Variants in ALG12 observed in about 807,000 individuals in gnomAD.
ALG12 encodes the protein ALG12 alpha-1,6-mannosyltransferase.
Under a neutral mutation model 46.0 loss-of-function variants are expected in ALG12, and 36 were observed. The ratio of observed to expected loss-of-function variants is 0.78; its 90% CI spans 0.60 to 1.03. The LOEUF (loss-of-function observed/expected upper bound fraction) is 1.03. ALG12 is among the 50% of genes least tolerant of loss of function. The pLI, the probability that ALG12 is intolerant of heterozygous loss-of-function variation, is 0.00. For missense variants in ALG12, 599 were observed against 633.5 expected (o/e 0.95, Z 0.58); for synonymous variants, 326 against 291.6 (o/e 1.12, Z -1.20).
the ALG12 span, chr22:49,887,353 C>T: frequency 8.8e-6 from 5 of 567,814 alleles, no homozygotes; most frequent in Non-Finnish European, 1.5e-5. Flanking sequence ...TCCTTCAGGC[C>T]AAGTTTCGCG....
chr22:49,885,545 G>C, the ALG12 span: 1 of 1,605,562 alleles, frequency 6.2e-7, no homozygotes, highest in African/African-American at 1.3e-5. Flanking sequence ...CCGGACACCC[G>C]GGTGCCGCGG....
Position 49,913,852 on chromosome 22 carries a change from G to C in ALG12, c.-78-9C>G, listed in dbSNP as rs1244983190. 1.9e-6 allele frequency: 3 copies of C among 1,570,058 alleles called. No individual in the cohort carries two copies. The highest frequency in any genetic ancestry group is 2.6e-6 in the Non-Finnish European group (3 of 1,149,782). On this transcript the variant is annotated splice_polypyrimidine_tract_variant and intron_variant, in intron 1 of 9. Transcript: ENST00000330817. ...CTGCCACTCCACGCATGCTGGAAAA[G>C]TGGAAACAGATTCCTGAGGTTCGAA...
chr22:49,874,668 C>T, the ALG12 span, among the ~76,000 whole-genome samples: 1 of 44,814 alleles, frequency 2.2e-5, no homozygotes, highest in Non-Finnish European at 7.3e-5. Context: ...CCACCATGCC[C>T]AGCCTTTTTT....
In ALG12 at chr22:49,913,737, C is replaced by T. The variant is rs778413165; in HGVS notation, c.29G>A (p.Arg10Gln). Reference protein sequence around the residue: MAGKGSSGRRPLLLGLLVAV... With the variant: MAGKGSSGRQPLLLGLLVAV... ...CACCAGCAGCCCCAGCAGCAGGGGC[C>T]GCCTGCCTGATGACCCCTTTCCAGC... is the stretch of plus-strand genomic sequence containing the variant. Residue 10 changes from arginine (R) to glutamine (Q), a missense_variant, in exon 2 of 10, where the codon CGG (arginine) becomes CAG (glutamine). Arg to Gln is a conservative substitution (Grantham distance 43). Transcript: ENST00000330817. 8.3e-5 allele frequency: 134 copies of T among 1,613,650 alleles called. No individual in the cohort carries two copies. Among genetic ancestry groups the T allele is most frequent in the Non-Finnish European group, 9.9e-5 (117 of 1,180,050 alleles).
chr22:49,889,087 C>T, the ALG12 span: 1 of 167,256 alleles, frequency 6.0e-6, no homozygotes, highest in Admixed American at 6.5e-5. Flanking sequence ...TGTATCCACT[C>T]ATTCATTCAA....
Position 49,905,679 on chromosome 22 carries a change from A to G in ALG12, c.993-1173T>C, listed in dbSNP as rs2060538323. 6.6e-6 allele frequency among the ~76,000 whole-genome samples: 1 copy of G among 152,234 alleles called. No homozygotes were observed. Among genetic ancestry groups the G allele is most frequent in the Middle Eastern group, 3.2e-3 (1 of 316 alleles). Reference sequence around the variant, plus strand: ...AGGCCAGCCTGGAAGCTGAGCAGACACCAGTACCACGCTTCCCGTACAGCC... The same window carrying G: ...AGGCCAGCCTGGAAGCTGAGCAGACGCCAGTACCACGCTTCCCGTACAGCC... On this transcript the variant is annotated intron_variant, in intron 7 of 9. Transcript: ENST00000330817. The surrounding 1 kb of genome is among the most constrained non-coding windows in gnomAD (Gnocchi z 4.9).
the ALG12 span, among the ~76,000 whole-genome samples, chr22:49,868,974 A>T: frequency 5.4e-5 from 7 of 129,202 alleles, no homozygotes; most frequent in Non-Finnish European, 1.2e-4. Flanking sequence ...AAAAAAAAAA[A>T]TTAGCTGGGT....
chr22:49,904,446 G>C lies in ALG12; in HGVS notation c.1053C>G (p.His351Gln), dbSNP rs1389964872. The C allele has an allele frequency of 6.2e-7, 1 of 1,614,040 alleles. No individual in the cohort carries two copies. The highest frequency in any genetic ancestry group is 8.5e-7 in the Non-Finnish European group (1 of 1,180,038). Reference protein sequence around the residue: ...YKAGSLLVIGHLVVNAAYSAT... With the variant: ...YKAGSLLVIGQLVVNAAYSAT... ...CTGAGTAGGCGGCATTCACCACGAG[G>C]TGTCCGATCACAAGCAGAGACCCCG... Residue 351 changes from histidine (H) to glutamine (Q), a missense_variant, in exon 8 of 10, where the codon CAC becomes CAG. By Grantham distance (24) the His-to-Gln change is conservative. Transcript: ENST00000330817.
At chr22:49,904,549 CAA>C in intron 7 of ALG12, 43 bp from the exon 8 acceptor site, 1 of 1,608,350 alleles carries the variant, frequency 6.2e-7, no homozygotes, top group Admixed American at 1.7e-5. Flanking sequence ...AACGTAATGA[CAA>C]TAAAATTAAT....
intron 4 of ALG12, 146 bp downstream of exon 4, chr22:49,910,287 AG>A: frequency 7.9e-7 from 1 of 1,263,900 alleles, no homozygotes; most frequent in Non-Finnish European, 1.1e-6. Flanking sequence ...GAAAACAAAG[AG>A]CCTGGTTTCA....
chr22:49,886,469 C>CTTTA, the ALG12 span: 2 of 1,569,126 alleles, frequency 1.3e-6, no homozygotes, highest in Non-Finnish European at 1.7e-6. This position sits in a 1 kb window ranked among gnomAD's most constrained non-coding sequence, Gnocchi z 7.7. Flanking sequence ...GTGTGCCGTG[C>CTTTA]GCTAAAGCCC....
the ALG12 span, among the ~76,000 whole-genome samples, chr22:49,867,837 G>A: frequency 1.6e-4 from 24 of 152,278 alleles, no homozygotes; most frequent in Middle Eastern, 3.4e-3. Context: ...CTGATGTGCC[G>A]AGCATCATAG....
chr22:49,894,179 AGT>A, the ALG12 span, among the ~76,000 whole-genome samples: 1 of 152,198 alleles, frequency 6.6e-6, no homozygotes, highest in Non-Finnish European at 1.5e-5. Context: ...AAAATAATAA[AGT>A]AGATTCTGAC....
At chr22:49,873,955 A>G in the ALG12 span, among the ~76,000 whole-genome samples, 1 of 152,268 alleles carries the variant, frequency 6.6e-6, no homozygotes, top group Non-Finnish European at 1.5e-5. Context: ...GCCTGAAATT[A>G]GGACATTCCC....
At chr22:49,867,402 C>T in the ALG12 span, among the ~76,000 whole-genome samples, 1 of 152,204 alleles carries the variant, frequency 6.6e-6, no homozygotes, top group Non-Finnish European at 1.5e-5. Context: ...CACTGCGGTG[C>T]ATCCACTGGG....
In ALG12 at chr22:49,902,381, TGTGTG is replaced by T. The variant is rs2060515949; in HGVS notation, c.*1452_*1456del. Reference sequence around the variant, plus strand: ...GCATGGTGTGTGCACGTGTGCACGGTGTGTGGTGTGTATGCATGGTGTGTGCACAT... The same window carrying T: ...GCATGGTGTGTGCACGTGTGCACGGTGTGTGTATGCATGGTGTGTGCACAT... On this transcript the variant is annotated 3_prime_UTR_variant, in exon 10 of 10. Transcript: ENST00000330817. 1 of 78,752 alleles carries T rather than the reference TGTGTG, an allele frequency of 1.3e-5. No individual in the cohort carries two copies. Among genetic ancestry groups the T allele is most frequent in the African/African-American group, 1.3e-4 (1 of 7,510 alleles). The allele number at this position is 78,752 out of a possible 1,614,324, so 4.9% of individuals were successfully genotyped here.
At chr22:49,914,420 G>T (rs2060598762) in intron 1 of ALG12, among the ~76,000 whole-genome samples, 1 of 152,248 alleles carries the variant, frequency 6.6e-6, no homozygotes, top group African/African-American at 2.4e-5. Context: ...CCCCACCCTG[G>T]GGGCTGGGAG....
At chr22:49,886,150 C>T in the ALG12 span, 1 of 691,848 alleles carries the variant, frequency 1.4e-6, no homozygotes, top group South Asian at 1.7e-5. The surrounding 1 kb of genome is among the most constrained non-coding windows in gnomAD (Gnocchi z 7.7). Flanking sequence ...GTGCTTCAGC[C>T]ATACGGTGAA....
chr22:49,907,834 C>T lies in ALG12; in HGVS notation c.879G>A (p.Val293=), dbSNP rs1342041523. Reference sequence around the variant, plus strand: ...AGAGTGCCATGAAGCCCAGTGCCAGCACCGTCGGCGCGTGCGTCCTTCTGT... The same window carrying T: ...AGAGTGCCATGAAGCCCAGTGCCAGTACCGTCGGCGCGTGCGTCCTTCTGT... ...LVDRRTHAPT[V]LALGFMALYS... Residue 293 remains valine, a synonymous_variant, in exon 7 of 10, where the codon GTG becomes GTA. Transcript: ENST00000330817. The T allele has an allele frequency of 1.9e-6, 3 of 1,614,054 alleles. No homozygotes were observed. The South Asian group carries it at 3.3e-5, about 18-fold the overall frequency.
Sources: allele counts gnomAD v4.1 joint callset (sites outside exome capture counted in the v4.1 genomes callset), GRCh38; gene constraint gnomAD v4.1.1; non-coding constraint Gnocchi (gnomAD v3.1); transcripts MANE v1.5; gene names NCBI Gene and HGNC (gene_info 2026-07-23, HGNC 2026-07-21).